The following NTRK2 variants were observed in gnomAD, a reference collection of about 807,000 sequenced individuals.
NTRK2 encodes the protein BDNF/NT-3 growth factors receptor.
A neutral mutation model predicts 94.5 loss-of-function variants in NTRK2; 13 were observed. The ratio of observed to expected loss-of-function variants is 0.14; its 90% confidence interval spans 0.09 to 0.22. The LOEUF (loss-of-function observed/expected upper bound fraction) is 0.22, where lower values mean the gene tolerates loss of function less well. NTRK2 is among the 10% of genes least tolerant of loss of function. The probability of loss-of-function intolerance (pLI) is 1.00; values close to 1 mark genes in which losing one functional copy is unlikely to be tolerated. For synonymous variants in NTRK2, 372 were observed against 407.4 expected, an observed-to-expected ratio of 0.91 and a Z score of 1.05; for missense variants, 639 against 1,071.2, an observed-to-expected ratio of 0.60 and a Z score of 5.63.
At chr9:84,841,853 TAATA>T (rs1026262478) in intron 12 of NTRK2, among the ~76,000 whole-genome samples, 5 of 152,230 alleles carry the variant, frequency 3.3e-5, no homozygotes, top group Non-Finnish European at 7.3e-5. Context: ...CAGTTCATTG[TAATA>T]AATATTTGTT....
intron 12 of NTRK2, among the ~76,000 whole-genome samples, chr9:84,764,683 A>G (rs908682547): frequency 1.3e-5 from 2 of 152,248 alleles, no homozygotes; most frequent in African/African-American, 4.8e-5. Flanking sequence ...TTGAGCTACC[A>G]TGTGATCCAG....
At chr9:84,682,205 T>A (rs974346244) in intron 2 of NTRK2, among the ~76,000 whole-genome samples, 7 of 152,222 alleles carry the variant, frequency 4.6e-5, no homozygotes, top group African/African-American at 1.4e-4. Context: ...TATTCTTTCT[T>A]TGGAAAGGTT....
intron 17 of NTRK2, among the ~76,000 whole-genome samples, chr9:84,955,795 A>T (rs1398034499): frequency 6.6e-6 from 1 of 152,028 alleles, no homozygotes; most frequent in Non-Finnish European, 1.5e-5. Flanking sequence ...TTAGGCCTAA[A>T]TTTCTTCTTT....
Position 84,945,403 on chromosome 9 carries a change from C to T in NTRK2, c.1765-3059C>T, listed in dbSNP as rs577983593. Among the ~76,000 whole-genome samples the T allele has an allele frequency of 9.2e-5, 14 of 152,294 alleles. No homozygotes were observed. The South Asian group carries it at 1.7e-3, about 18-fold the overall frequency. On this transcript the variant is annotated intron_variant, in intron 15 of 18. Coordinates refer to ENST00000277120, the MANE Select transcript of NTRK2 (RefSeq NM_006180.6). Reference sequence around the variant, plus strand: ...GACAGGCATGTACCCAACACCATTACGCAAGTGCAAGTGTGAGAAAGGCAC... The same window carrying T: ...GACAGGCATGTACCCAACACCATTATGCAAGTGCAAGTGTGAGAAAGGCAC...
chr9:84,880,704 C>A (rs1388863821), intron 14 of NTRK2, among the ~76,000 whole-genome samples: 1 of 152,172 alleles, frequency 6.6e-6, no homozygotes, highest in Non-Finnish European at 1.5e-5. Context: ...ACCAATATCT[C>A]ATATAAGTCT....
intron 2 of NTRK2, among the ~76,000 whole-genome samples, chr9:84,672,187 T>G (rs1200283171): frequency 6.6e-6 from 1 of 152,194 alleles, no homozygotes; most frequent in Non-Finnish European, 1.5e-5. Flanking sequence ...TAAGAGACCT[T>G]CCTAGTCTCT....
intron 17 of NTRK2, among the ~76,000 whole-genome samples, chr9:84,997,892 C>T (rs1829933780): frequency 6.6e-6 from 1 of 152,150 alleles, no homozygotes; most frequent in African/African-American, 2.4e-5. Flanking sequence ...GCCTCAGAGC[C>T]TCTTGGCTCT....
intron 18 of NTRK2, 105 bp from the exon 19 acceptor site, chr9:85,021,147 G>A: frequency 1.1e-6 from 1 of 940,820 alleles, no homozygotes; most frequent in East Asian, 2.6e-5. Context: ...CCAAGAGTGG[G>A]CTTCTTTTGT....
At chr9:84,842,412 G>T (rs2074238846) in intron 12 of NTRK2, among the ~76,000 whole-genome samples, 1 of 152,156 alleles carries the variant, frequency 6.6e-6, no homozygotes, top group African/African-American at 2.4e-5. Context: ...GTTCTGGATA[G>T]CTCAACAGCC....
rs576914471 is a variant in NTRK2, at chr9:84,832,976, C to T, written c.1397-28064C>T. Among the ~76,000 whole-genome samples, 12 of 152,140 alleles carry T rather than the reference C, an allele frequency of 7.9e-5. No homozygotes were observed. In the South Asian group the frequency reaches 8.3e-4, roughly 11 times the overall value. ...ACACTCTATGGAGCCTTGAGAAGGC[C>T]GTGCTGGGCTGAGTGGGGACTTCTG... On this transcript the variant is annotated intron_variant, in intron 12 of 18. Coordinates refer to ENST00000277120, the MANE Select transcript of NTRK2 (RefSeq NM_006180.6).
At chr9:84,923,190 C>A (rs773666685) in intron 14 of NTRK2, among the ~76,000 whole-genome samples, 10 of 152,138 alleles carry the variant, frequency 6.6e-5, no homozygotes, top group Non-Finnish European at 1.2e-4. Context: ...AAAATGCCCA[C>A]CAGCCTCTTA....
chr9:84,700,115 C>G (rs1458071853), intron 2 of NTRK2, among the ~76,000 whole-genome samples: 1 of 152,194 alleles, frequency 6.6e-6, no homozygotes, highest in Non-Finnish European at 1.5e-5. Flanking sequence ...AGGGGACAGG[C>G]TTGCCTGGAA....
intron 12 of NTRK2, among the ~76,000 whole-genome samples, chr9:84,794,023 G>A (rs1432338987): frequency 6.6e-6 from 1 of 152,188 alleles, no homozygotes; most frequent in African/African-American, 2.4e-5. Flanking sequence ...AGACAACTAA[G>A]TTGACTTTGT....
At chr9:84,702,552 A>T in intron 4 of NTRK2, 133 bp downstream of exon 4, 1 of 802,068 alleles carries the variant, frequency 1.2e-6, no homozygotes, top group African/African-American at 1.7e-5. Flanking sequence ...ATAGCTTAGA[A>T]ACATTAGCTC....
Position 84,727,741 on chromosome 9 carries a change from C to A in NTRK2, c.941C>A (p.Ala314Glu). 1 of 1,614,080 alleles carries A rather than the reference C, an allele frequency of 6.2e-7. No homozygotes were observed. Among genetic ancestry groups the A allele is most frequent in the African/African-American group, 1.3e-5 (1 of 75,026 alleles). Reference sequence around the variant, plus strand: ...ACTGTGAAAGGCAACCCCAAACCAGCGCTTCAGTGGTTCTATAACGGGGCA... The same window carrying A: ...ACTGTGAAAGGCAACCCCAAACCAGAGCTTCAGTGGTTCTATAACGGGGCA... The part of the protein sequence containing the change: ...PFTVKGNPKP[A>E]LQWFYNGAIL... Residue 314 changes from alanine (A) to glutamate (E), a missense_variant, in exon 9 of 19, where the codon GCG becomes GAG. Coordinates refer to ENST00000277120, the MANE Select transcript of NTRK2 (RefSeq NM_006180.6).
chr9:84,838,689 A>G (rs1230363938), intron 12 of NTRK2, among the ~76,000 whole-genome samples: 1 of 152,234 alleles, frequency 6.6e-6, no homozygotes, highest in Non-Finnish European at 1.5e-5. Flanking sequence ...ACCTACTATT[A>G]CTTTTCTTCC....
intron 14 of NTRK2, among the ~76,000 whole-genome samples, chr9:84,918,950 C>T (rs1476154969): frequency 6.6e-6 from 1 of 152,166 alleles, no homozygotes; most frequent in Non-Finnish European, 1.5e-5. Context: ...GCCATTCCCT[C>T]ATTAAGGAAC....
At chr9:84,882,723 C>CGCGCGCGCGCGT (rs2076296860) in intron 14 of NTRK2, among the ~76,000 whole-genome samples, 6 of 136,682 alleles carry the variant, frequency 4.4e-5, no homozygotes, top group African/African-American at 1.4e-4. Flanking sequence ...TGTGTGTGCG[C>CGCGCGCGCGCGT]GCGCGCGCGC....
chr9:84,781,955 A>G (rs2133049636), intron 12 of NTRK2, among the ~76,000 whole-genome samples: 1 of 152,096 alleles, frequency 6.6e-6, no homozygotes, highest in Non-Finnish European at 1.5e-5. Flanking sequence ...GGAATTTTCA[A>G]TAATACCTTG....
Sources: allele counts gnomAD v4.1 joint callset (sites outside exome capture counted in the v4.1 genomes callset), GRCh38; gene constraint gnomAD v4.1.1; transcripts MANE v1.5; gene names NCBI Gene and HGNC (gene_info 2026-07-23, HGNC 2026-07-21).